The following MAPRE2 variants were observed in gnomAD, a reference collection of about 807,000 sequenced individuals.
MAPRE2 encodes microtubule associated protein RP/EB family member 2.
MAPRE2 carries 13 observed loss-of-function variants against 43.2 expected under a neutral mutation model. The observed-to-expected ratio is 0.30, with a 90% CI of 0.20 to 0.48. The LOEUF (loss-of-function observed/expected upper bound fraction) is 0.48. Among genes scored for constraint, MAPRE2 ranks in the 20% least tolerant of loss-of-function variants. MAPRE2 has a pLI of 0.99. For missense variants in MAPRE2, 161 were observed against 400.2 expected (o/e 0.40, Z 5.10); for synonymous variants, 135 against 148.8 (o/e 0.91, Z 0.68).
At chr18:35,073,559 T>A (rs1389505624) in intron 2 of MAPRE2, among the ~76,000 whole-genome samples, 2 of 152,190 alleles carry the variant, frequency 1.3e-5, no homozygotes, top group Non-Finnish European at 2.9e-5. Context: ...TTAAAATGAT[T>A]TAAAATGTCA....
chr18:35,051,761 C>A (rs1440428878), intron 1 of MAPRE2, among the ~76,000 whole-genome samples: 1 of 152,150 alleles, frequency 6.6e-6, no homozygotes, highest in Non-Finnish European at 1.5e-5. Flanking sequence ...CCTCTCTAAG[C>A]CTCATTTTCT....
At chr18:35,077,786 C>T (rs1907441833) in intron 2 of MAPRE2, among the ~76,000 whole-genome samples, 1 of 152,088 alleles carries the variant, frequency 6.6e-6, no homozygotes, top group Non-Finnish European at 1.5e-5. Flanking sequence ...CTGATTTTGT[C>T]TCTGTTATAT....
At chr18:35,039,599 T>C (rs2097052500), upstream of MAPRE2, among the ~76,000 whole-genome samples, 1 of 152,170 alleles carries the variant, frequency 6.6e-6, no homozygotes, top group Non-Finnish European at 1.5e-5. Context: ...GGAAAATAAG[T>C]AGGGCCCCTT....
intron 1 of MAPRE2, among the ~76,000 whole-genome samples, chr18:34,996,655 G>A (rs1480516468): frequency 1.3e-5 from 2 of 152,142 alleles, no homozygotes; most frequent in Non-Finnish European, 2.9e-5. Context: ...CCTCTTATAG[G>A]GTTATTGGGA....
At chr18:35,033,291 G>A (rs1159780720) in intron 2 of MAPRE2, among the ~76,000 whole-genome samples, 2 of 151,946 alleles carry the variant, frequency 1.3e-5, no homozygotes, top group East Asian at 1.9e-4. Flanking sequence ...ATGCAGAAAA[G>A]GCCTTTGACA....
intron 2 of MAPRE2, among the ~76,000 whole-genome samples, chr18:35,083,609 C>T (rs1412610089): frequency 1.3e-5 from 2 of 152,158 alleles, no homozygotes; most frequent in African/African-American, 4.8e-5. Context: ...CTACTTCTTC[C>T]TTCTTGGCTC....
intron 1 of MAPRE2, among the ~76,000 whole-genome samples, chr18:35,004,265 A>G (rs905330253): frequency 1.1e-4 from 16 of 152,208 alleles, no homozygotes; most frequent in African/African-American, 3.6e-4. Context: ...TAATCACATC[A>G]TGTTGGATCT....
chr18:35,004,580 T>C (rs1485004682), intron 1 of MAPRE2, among the ~76,000 whole-genome samples: 1 of 152,238 alleles, frequency 6.6e-6, no homozygotes, highest in Non-Finnish European at 1.5e-5. Context: ...TACTGCCTCA[T>C]TTAGTCAAAG....
intron 4 of MAPRE2, among the ~76,000 whole-genome samples, chr18:35,121,607 A>T (rs373966351): frequency 1.8e-4 from 27 of 152,214 alleles, no homozygotes; most frequent in Admixed American, 6.5e-4. Context: ...TTGAAAAAAA[A>T]TTTGAAATGT....
intron 1 of MAPRE2, among the ~76,000 whole-genome samples, chr18:34,993,992 C>CTTTTT (rs11301716): frequency 1.2e-4 from 14 of 120,022 alleles, no homozygotes; most frequent in East Asian, 2.6e-4. Context: ...CATGGATTTT[C>CTTTTT]TTTTTTTTTT....
At chr18:35,102,889 T>G (rs570198795) in intron 4 of MAPRE2, among the ~76,000 whole-genome samples, 1 of 152,168 alleles carries the variant, frequency 6.6e-6, no homozygotes, top group Non-Finnish European at 1.5e-5. Context: ...TCATCCAAAA[T>G]CATGTTTCCA....
At chr18:34,978,101 G>A (rs1046210353) in intron 1 of MAPRE2, 1 of 254,172 alleles carries the variant, frequency 3.9e-6, no homozygotes, top group Non-Finnish European at 7.6e-6. Flanking sequence ...TGGGTCAGTA[G>A]CGCTGGGAGT....
intron 2 of MAPRE2, among the ~76,000 whole-genome samples, chr18:35,018,278 G>A (rs1307381566): frequency 2.6e-5 from 4 of 151,930 alleles, no homozygotes; most frequent in Non-Finnish European, 5.9e-5. Context: ...TTCTTTTTTT[G>A]TTGTGTCTTT....
At chr18:35,033,547 A>C (rs2097048878) in intron 2 of MAPRE2, among the ~76,000 whole-genome samples, 1 of 151,646 alleles carries the variant, frequency 6.6e-6, no homozygotes, top group Admixed American at 6.6e-5. Flanking sequence ...AAGGGTATTC[A>C]AATTAGGAAA....
At chr18:35,038,483 C>T (rs1391686968), upstream of MAPRE2, among the ~76,000 whole-genome samples, 1 of 152,146 alleles carries the variant, frequency 6.6e-6, no homozygotes, top group African/African-American at 2.4e-5. Flanking sequence ...AAAAGGAAGT[C>T]CCTTAGGTTT....
intron 1 of MAPRE2, among the ~76,000 whole-genome samples, chr18:34,977,456 G>T (rs1000665105): frequency 6.6e-6 from 1 of 152,230 alleles, no homozygotes; most frequent in African/African-American, 2.4e-5. Flanking sequence ...TGGTGAAGGA[G>T]GGGGGCTCGC....
chr18:35,070,363 G>T (rs372305764), intron 2 of MAPRE2, 41 bp downstream of exon 2: 26 of 1,538,948 alleles, frequency 1.7e-5, no homozygotes, highest in Non-Finnish European at 2.3e-5. Context: ...AATATTTACA[G>T]TCTGTCATGT....
At chr18:35,006,219 G>C (rs562378893) in intron 2 of MAPRE2, among the ~76,000 whole-genome samples, 1 of 152,288 alleles carries the variant, frequency 6.6e-6, no homozygotes, top group East Asian at 1.9e-4. Flanking sequence ...CAAGCTACAA[G>C]CTATTATTGT....
At chr18:35,125,387 G>T (rs1200010394) in intron 4 of MAPRE2, among the ~76,000 whole-genome samples, 1 of 152,232 alleles carries the variant, frequency 6.6e-6, no homozygotes, top group Non-Finnish European at 1.5e-5. Flanking sequence ...ATTGGAAACC[G>T]CATCACTAAA....
Sources: gnomAD v4.1 joint callset for allele counts (sites outside exome capture counted in the v4.1 genomes callset) on GRCh38, gnomAD v4.1.1 for gene constraint, MANE v1.5 for transcripts, NCBI Gene and HGNC (gene_info 2026-07-23, HGNC 2026-07-21) for gene names.